Variants in HS6ST2 observed in about 807,000 individuals in gnomAD.
The protein encoded by HS6ST2 is heparan-sulfate 6-O-sulfotransferase 2.
A neutral mutation model predicts 33.0 loss-of-function variants in HS6ST2; 17 were observed. The ratio of observed to expected loss-of-function variants is 0.52; its 90% CI spans 0.35 to 0.77. The LOEUF is 0.77. Ranked by LOEUF, HS6ST2 falls within the 30% of genes least tolerant of loss-of-function variation. The pLI, the probability that HS6ST2 is intolerant of heterozygous loss-of-function variation, is 0.01. For missense variants in HS6ST2, 519 were observed against 551.7 expected (o/e 0.94, Z 0.59); for synonymous variants, 248 against 237.1 (o/e 1.05, Z -0.42).
intron 2 of HS6ST2, among the ~76,000 whole-genome samples, chrX:132,740,859 A>G (rs2064566478): frequency 9.0e-6 from 1 of 111,464 alleles, no homozygotes; most frequent in Admixed American, 9.6e-5. Flanking sequence ...CACTGGGAAC[A>G]TGGATCACTG....
chrX:132,746,429 G>A (rs939149135), intron 2 of HS6ST2, among the ~76,000 whole-genome samples: 1 of 111,312 alleles, frequency 9.0e-6, no homozygotes, highest in African/African-American at 3.3e-5. Flanking sequence ...CGTGAACCCA[G>A]GAGGCAGAGC....
intron 3 of HS6ST2, among the ~76,000 whole-genome samples, chrX:132,688,795 A>G (rs2064039277): frequency 8.9e-6 from 1 of 111,866 alleles, no homozygotes; most frequent in Admixed American, 9.5e-5. Flanking sequence ...AGTGATGCAA[A>G]TCTGAAGCTT....
intron 2 of HS6ST2, among the ~76,000 whole-genome samples, chrX:132,943,136 G>A (rs1045071657): frequency 2.7e-5 from 3 of 111,849 alleles, no homozygotes; most frequent in Non-Finnish European, 5.6e-5. Flanking sequence ...ATTTTTAAAA[G>A]GTGTTTTTTT....
chrX:132,839,295 T>C (rs866705547), intron 2 of HS6ST2, among the ~76,000 whole-genome samples: 1 of 71,995 alleles, frequency 1.4e-5, no homozygotes. Flanking sequence ...TATATATATA[T>C]ATATATATAT....
intron 2 of HS6ST2, among the ~76,000 whole-genome samples, chrX:132,738,600 T>C (rs1024956698): frequency 1.8e-5 from 2 of 112,696 alleles, no homozygotes; most frequent in Admixed American, 9.4e-5. Flanking sequence ...AGCAAATAAC[T>C]ATCTTATACT....
intron 2 of HS6ST2, among the ~76,000 whole-genome samples, chrX:132,769,921 A>G (rs1338914799): frequency 1.8e-5 from 2 of 112,107 alleles, no homozygotes; most frequent in Non-Finnish European, 3.8e-5. Context: ...TTTGTTACTC[A>G]TTTATGTTTG....
At chrX:132,710,553 A>G (rs779957113) in intron 2 of HS6ST2, among the ~76,000 whole-genome samples, 2 of 111,144 alleles carry the variant, frequency 1.8e-5, no homozygotes, top group African/African-American at 6.5e-5. Flanking sequence ...AAAGAGTTCT[A>G]CAGAAATATA....
chrX:132,888,461 C>T (rs2066274832), intron 2 of HS6ST2, among the ~76,000 whole-genome samples: 1 of 111,877 alleles, frequency 8.9e-6, no homozygotes. Flanking sequence ...CCTCCCACGA[C>T]ACGTGGGAAT....
chrX:132,714,521 C>T (rs868324135), intron 2 of HS6ST2, among the ~76,000 whole-genome samples: 2 of 110,828 alleles, frequency 1.8e-5, no homozygotes, highest in South Asian at 3.9e-4. Flanking sequence ...GCCATATTGG[C>T]CAGGCTGGTC....
At chrX:132,669,321 C>A in intron 3 of HS6ST2, 122 bp from the exon 4 acceptor site, 2 of 417,910 alleles carry the variant, frequency 4.8e-6, no homozygotes, top group Non-Finnish European at 7.8e-6. Flanking sequence ...CACCCCCTGG[C>A]CAATCTCTCT....
chrX:132,706,097 A>G (rs1321470949), intron 3 of HS6ST2, among the ~76,000 whole-genome samples: 1 of 110,915 alleles, frequency 9.0e-6, no homozygotes, highest in African/African-American at 3.3e-5. Flanking sequence ...GGCATCATTG[A>G]TTTGGTGGTT....
intron 2 of HS6ST2, among the ~76,000 whole-genome samples, chrX:132,881,599 C>A (rs1471601079): frequency 3.6e-5 from 4 of 111,594 alleles, no homozygotes; most frequent in Non-Finnish European, 5.6e-5. Context: ...ATGGTAGTTT[C>A]TTTTGCTGTG....
chrX:132,933,236 G>C (rs1230061842), intron 2 of HS6ST2, among the ~76,000 whole-genome samples: 1 of 110,175 alleles, frequency 9.1e-6, no homozygotes, highest in Non-Finnish European at 1.9e-5. Context: ...GCTGAGGTGG[G>C]AGAACTGCTT....
intron 2 of HS6ST2, among the ~76,000 whole-genome samples, chrX:132,731,804 G>A (rs184966213): frequency 1.4e-4 from 15 of 109,794 alleles, no homozygotes; most frequent in South Asian, 4.0e-4. Context: ...TGGAGATCGC[G>A]CCACTGCACT....
intron 2 of HS6ST2, among the ~76,000 whole-genome samples, chrX:132,759,049 T>C (rs757999629): frequency 3.5e-4 from 39 of 111,764 alleles, no homozygotes; most frequent in Admixed American, 9.5e-5. Context: ...AGGGTCACAT[T>C]TCCCCTGAGG....
intron 3 of HS6ST2, among the ~76,000 whole-genome samples, chrX:132,685,083 C>T (rs1469521526): frequency 8.9e-6 from 1 of 111,779 alleles, no homozygotes; most frequent in East Asian, 2.8e-4. Context: ...AAGGCATATT[C>T]ACCTGTAATC....
intron 3 of HS6ST2, among the ~76,000 whole-genome samples, chrX:132,680,823 C>G (rs907094218): frequency 9.1e-6 from 1 of 109,887 alleles, no homozygotes; most frequent in African/African-American, 3.3e-5. Flanking sequence ...TGGTGAAAAC[C>G]CTGTCTCTAC....
At chrX:132,681,271 A>G (rs1461403712) in intron 3 of HS6ST2, among the ~76,000 whole-genome samples, 1 of 112,331 alleles carries the variant, frequency 8.9e-6, no homozygotes, top group East Asian at 2.8e-4. Context: ...TTATTGCAAC[A>G]AAAGTTAATT....
intron 2 of HS6ST2, among the ~76,000 whole-genome samples, chrX:132,762,763 C>T (rs1303898781): frequency 8.9e-6 from 1 of 111,955 alleles, no homozygotes; most frequent in Non-Finnish European, 1.9e-5. Context: ...GCCTCTGTTG[C>T]TAGCATAGCC....
Sources: allele counts gnomAD v4.1 joint callset (sites outside exome capture counted in the v4.1 genomes callset), GRCh38; gene constraint gnomAD v4.1.1; transcripts MANE v1.5; gene names NCBI Gene and HGNC (gene_info 2026-07-23, HGNC 2026-07-21).